The following PARD3B variants were observed in gnomAD, a reference collection of about 807,000 sequenced individuals.
The protein encoded by PARD3B is partitioning defective 3 homolog B.
PARD3B carries 103 observed loss-of-function variants against 130.2 expected under a neutral mutation model. That is an observed-to-expected ratio of 0.79 (90% confidence interval 0.67 to 0.93). The LOEUF (loss-of-function observed/expected upper bound fraction) is 0.93. PARD3B is among the 40% of genes least tolerant of loss of function. The pLI is 0.00. For missense variants in PARD3B, 1,609 were observed against 1,499.2 expected (o/e 1.07, Z -1.21); for synonymous variants, 583 against 553.2 (o/e 1.05, Z -0.76).
chr2:205,209,028 A>G (rs1343241523), intron 15 of PARD3B, among the ~76,000 whole-genome samples: 4 of 125,342 alleles, frequency 3.2e-5, no homozygotes, highest in Non-Finnish European at 6.6e-5. Context: ...AGAGATATAG[A>G]TCAATGGAAC....
At chr2:204,913,113 A>T (rs903287219) in intron 2 of PARD3B, among the ~76,000 whole-genome samples, 2 of 152,190 alleles carry the variant, frequency 1.3e-5, no homozygotes, top group East Asian at 1.9e-4. Flanking sequence ...TTCACAGGAG[A>T]CACTTTACCT....
At position 205,563,880 on chromosome 2, in the gene PARD3B, C is replaced by G. The variant is rs1401619365; in HGVS notation, c.3260+10477C>G. On this transcript the variant is annotated intron_variant, in intron 22 of 22. Transcript: ENST00000406610. The surrounding 1 kb of genome is among the most constrained non-coding windows in gnomAD (Gnocchi z 4.2). Reference sequence around the variant, plus strand: ...ACAGACCATGTGCATGGACCAGGTCCCCAGCCCCTAGATTGCACTCTGCAC... The same window carrying G: ...ACAGACCATGTGCATGGACCAGGTCGCCAGCCCCTAGATTGCACTCTGCAC... 6.6e-6 allele frequency among the ~76,000 whole-genome samples: 1 copy of G among 152,078 alleles called. No individual in the cohort carries two copies. The highest frequency in any genetic ancestry group is 1.9e-4 in the East Asian group (1 of 5,176).
intron 4 of PARD3B, among the ~76,000 whole-genome samples, chr2:205,080,020 T>C (rs1234743336): frequency 6.6e-6 from 1 of 152,162 alleles, no homozygotes; most frequent in African/African-American, 2.4e-5. Flanking sequence ...TGTGTACATT[T>C]AAACTAGTAT....
In PARD3B at chr2:205,583,733, G is replaced by A. The variant is rs115965748; in HGVS notation, c.3260+30330G>A. Among the ~76,000 whole-genome samples the A allele has an allele frequency of 4.7e-3, 721 of 152,220 alleles. 3 individuals are homozygous for A. Among genetic ancestry groups the A allele is most frequent in the African/African-American group, 0.016 (685 of 41,536 alleles). ...ATCTTAAAACCATACTCATTTGGAC[G>A]AATTGGAACAACCATTTTGATACAT... On this transcript the variant is annotated intron_variant, in intron 22 of 22. Coordinates refer to ENST00000406610, the MANE Select transcript of PARD3B (RefSeq NM_001302769.2).
chr2:205,309,349 G>A lies in PARD3B; in HGVS notation c.2630+7648G>A, dbSNP rs1365282899. Among the ~76,000 whole-genome samples, 8 of 152,242 alleles carry A rather than the reference G, an allele frequency of 5.3e-5. No homozygotes were observed. Among genetic ancestry groups the A allele is most frequent in the South Asian group, 2.1e-4 (1 of 4,818 alleles). On this transcript the variant is annotated intron_variant, in intron 18 of 22. Transcript: ENST00000406610. This position sits in a 1 kb window ranked among gnomAD's most constrained non-coding sequence, Gnocchi z 4.7. ...GCATACCTCAAAGATAGACTAGTTCGGTTACATAGTGGAGCATCAGACAAA... is the reference window on the plus strand; with the variant it reads ...GCATACCTCAAAGATAGACTAGTTCAGTTACATAGTGGAGCATCAGACAAA...
At chr2:204,559,839 CATGGAATACT>C (rs1190971558) in intron 1 of PARD3B, among the ~76,000 whole-genome samples, 1 of 152,158 alleles carries the variant, frequency 6.6e-6, no homozygotes, top group Non-Finnish European at 1.5e-5. Context: ...ACATATATAC[CATGGAATACT>C]ATGCAGCTGT....
chr2:204,976,812 G>T (rs544026552), intron 3 of PARD3B, among the ~76,000 whole-genome samples: 127 of 151,976 alleles, frequency 8.4e-4, no homozygotes, highest in Middle Eastern at 3.4e-3. Flanking sequence ...GTTTCACCGT[G>T]TTGGTCAGGC....
At chr2:205,110,667 G>GC (rs1226517541) in intron 5 of PARD3B, among the ~76,000 whole-genome samples, 6 of 135,668 alleles carry the variant, frequency 4.4e-5, no homozygotes, top group African/African-American at 1.4e-4. Flanking sequence ...GCTGTCAACC[G>GC]CTTTTTCTTT....
chr2:205,161,639 G>A (rs1364962625), intron 11 of PARD3B, among the ~76,000 whole-genome samples: 3 of 152,142 alleles, frequency 2.0e-5, no homozygotes. Flanking sequence ...TTGAGACTTT[G>A]TTCCTGTCCC....
At chr2:204,614,808 G>T (rs772936717) in intron 1 of PARD3B, among the ~76,000 whole-genome samples, 11 of 152,056 alleles carry the variant, frequency 7.2e-5, no homozygotes, top group South Asian at 2.1e-4. Context: ...TTCACCTTCT[G>T]CCATGATTGG....
chr2:204,972,739 C>T (rs895380744), intron 3 of PARD3B, among the ~76,000 whole-genome samples: 3 of 152,160 alleles, frequency 2.0e-5, no homozygotes, highest in Non-Finnish European at 4.4e-5. Flanking sequence ...TTCACCATCT[C>T]CCCTTTGGCC....
chr2:204,580,813 C>T (rs1012269204), intron 1 of PARD3B, among the ~76,000 whole-genome samples: 47 of 152,140 alleles, frequency 3.1e-4, no homozygotes, highest in African/African-American at 1.0e-3. Flanking sequence ...TAACAATCTG[C>T]GTGACACATA....
intron 3 of PARD3B, among the ~76,000 whole-genome samples, chr2:205,044,891 A>G (rs1698659032): frequency 1.3e-5 from 2 of 152,148 alleles, no homozygotes; most frequent in Admixed American, 1.3e-4. Flanking sequence ...TTAGAAAAAC[A>G]TTCTAGGAAG....
At chr2:205,111,972 A>G (rs1703678690) in intron 5 of PARD3B, among the ~76,000 whole-genome samples, 1 of 152,080 alleles carries the variant, frequency 6.6e-6, no homozygotes. Flanking sequence ...AAGCCATACA[A>G]CTTTCTCTGT....
At chr2:205,201,636 G>A (rs1417315606) in intron 15 of PARD3B, among the ~76,000 whole-genome samples, 1 of 152,142 alleles carries the variant, frequency 6.6e-6, no homozygotes, top group African/African-American at 2.4e-5. Context: ...TCGGGAGTTC[G>A]AGACCAGCCT....
At chr2:205,386,942 C>T (rs921930485) in intron 18 of PARD3B, among the ~76,000 whole-genome samples, 3 of 151,942 alleles carry the variant, frequency 2.0e-5, no homozygotes, top group African/African-American at 7.2e-5. Flanking sequence ...CAGATTTCTT[C>T]CTAACTAAAA....
intron 15 of PARD3B, among the ~76,000 whole-genome samples, chr2:205,213,608 C>G (rs1028548259): frequency 6.6e-6 from 1 of 152,110 alleles, no homozygotes; most frequent in African/African-American, 2.4e-5. Flanking sequence ...AAAGTAGAAA[C>G]AAATGATTAA....
chr2:204,735,805 T>C (rs1200832117), intron 2 of PARD3B, among the ~76,000 whole-genome samples: 1 of 152,180 alleles, frequency 6.6e-6, no homozygotes, highest in East Asian at 1.9e-4. Flanking sequence ...TGCATCATGT[T>C]GTTGGCACCT....
At chr2:205,437,334 C>A (rs2047553095) in intron 19 of PARD3B, among the ~76,000 whole-genome samples, 1 of 152,130 alleles carries the variant, frequency 6.6e-6, no homozygotes, top group African/African-American at 2.4e-5. Context: ...CTCAATCTGA[C>A]AGATATGACA....
Sources: gnomAD v4.1 joint callset for allele counts (sites outside exome capture counted in the v4.1 genomes callset) on GRCh38, gnomAD v4.1.1 for gene constraint, Gnocchi (gnomAD v3.1) non-coding constraint, MANE v1.5 for transcripts, NCBI Gene and HGNC (gene_info 2026-07-23, HGNC 2026-07-21) for gene names.